RBFOX1: variants seen among roughly 807,000 people sequenced by gnomAD.
The protein encoded by RBFOX1 is RNA binding fox-1 homolog 1, also known as RNA binding protein fox-1 homolog 1.
A neutral mutation model predicts 57.7 loss-of-function variants in RBFOX1; 8 were observed. The observed-to-expected ratio is 0.14, with a 90% CI of 0.08 to 0.25. RBFOX1 has a LOEUF of 0.25. Among genes scored for constraint, RBFOX1 ranks in the 10% least tolerant of loss-of-function variants. The pLI is 1.00. For missense variants in RBFOX1, 611 were observed against 548.5 expected (o/e 1.11, Z -1.14); for synonymous variants, 326 against 222.4 (o/e 1.47, Z -4.15).
chr16:6,936,731 A>G (rs1314259180), intron 3 of RBFOX1, among the ~76,000 whole-genome samples: 1 of 152,122 alleles, frequency 6.6e-6, no homozygotes, highest in East Asian at 1.9e-4. Flanking sequence ...TCATACAGCT[A>G]GAGGTAGGGT....
chr16:5,898,206 A>G (rs1048151417), intron 4 of RBFOX1, among the ~76,000 whole-genome samples: 3 of 152,166 alleles, frequency 2.0e-5, no homozygotes, highest in South Asian at 2.1e-4. Flanking sequence ...TCTCATGAGA[A>G]CAGCATGAGG....
rs559430072 is a variant in RBFOX1, at chr16:6,435,369, C to T, written c.-64+118312C>T. Among the ~76,000 whole-genome samples, 22 of 151,538 alleles carry T rather than the reference C, an allele frequency of 1.5e-4. No homozygotes were observed. In the South Asian group the frequency reaches 3.4e-3, roughly 23 times the overall value. ...AGGCTGGAGGGCAGTAGTGTGATCT[C>T]GGCTCACTGCAGCCTCTGCCTCCCG... is the stretch of plus-strand genomic sequence containing the variant. On this transcript the variant is annotated intron_variant, in intron 2 of 15. Coordinates refer to ENST00000550418, the MANE Select transcript of RBFOX1 (RefSeq NM_018723.4).
chr16:6,879,850 A>C (rs2062573483), intron 3 of RBFOX1, among the ~76,000 whole-genome samples: 1 of 152,218 alleles, frequency 6.6e-6, no homozygotes, highest in African/African-American at 2.4e-5. Flanking sequence ...GGTTTGAGAC[A>C]TTTTGAATTA....
intron 1 of RBFOX1, among the ~76,000 whole-genome samples, chr16:6,226,401 A>G (rs2097418768): frequency 1.3e-5 from 2 of 150,808 alleles, no homozygotes; most frequent in Non-Finnish European, 3.0e-5. Flanking sequence ...ACAAAAAAAT[A>G]TTTCCAATAA....
chr16:6,913,395 T>C (rs2072225426), intron 3 of RBFOX1, among the ~76,000 whole-genome samples: 1 of 152,224 alleles, frequency 6.6e-6, no homozygotes, highest in African/African-American at 2.4e-5. Context: ...CTGCTGTCTC[T>C]TCCGGCAAGC....
At chr16:6,960,231 T>G (rs2082676263) in intron 3 of RBFOX1, among the ~76,000 whole-genome samples, 2 of 152,116 alleles carry the variant, frequency 1.3e-5, no homozygotes, top group African/African-American at 4.8e-5. Context: ...CTGGACCCAT[T>G]TAGATTAAGT....
intron 1 of RBFOX1, among the ~76,000 whole-genome samples, chr16:5,275,677 A>G (rs1315870830): frequency 6.6e-6 from 1 of 152,222 alleles, no homozygotes; most frequent in Non-Finnish European, 1.5e-5. Flanking sequence ...ATAGAACTAG[A>G]AAAAACAATG....
intron 14 of RBFOX1, among the ~76,000 whole-genome samples, chr16:7,695,582 G>T (rs1244967917): frequency 6.6e-6 from 1 of 151,158 alleles, no homozygotes; most frequent in African/African-American, 2.4e-5. Flanking sequence ...AACTGGGGAG[G>T]CGGAGGTTGC....
At chr16:6,684,275 A>G (rs2059104103) in intron 3 of RBFOX1, among the ~76,000 whole-genome samples, 1 of 152,222 alleles carries the variant, frequency 6.6e-6, no homozygotes, top group Admixed American at 6.5e-5. Flanking sequence ...GCAGTGCACG[A>G]TAAAGAAAAG....
chr16:5,301,843 G>T (rs1032768194), intron 1 of RBFOX1, among the ~76,000 whole-genome samples: 2 of 151,772 alleles, frequency 1.3e-5, no homozygotes. Context: ...GTAATTTGTT[G>T]TACAGGTATA....
intron 2 of RBFOX1, among the ~76,000 whole-genome samples, chr16:6,329,633 T>C (rs2082769049): frequency 6.6e-6 from 1 of 152,124 alleles, no homozygotes; most frequent in Non-Finnish European, 1.5e-5. Flanking sequence ...ACTCCACTTC[T>C]TCAAAAGATG....
intron 2 of RBFOX1, among the ~76,000 whole-genome samples, chr16:6,602,711 A>G (rs2097868536): frequency 6.6e-6 from 1 of 152,204 alleles, no homozygotes; most frequent in African/African-American, 2.4e-5. Flanking sequence ...TCCAGGCTCA[A>G]GATGAGCTGG....
intron 2 of RBFOX1, among the ~76,000 whole-genome samples, chr16:6,639,077 T>G (rs1375448847): frequency 6.6e-6 from 1 of 152,216 alleles, no homozygotes; most frequent in Non-Finnish European, 1.5e-5. Context: ...ATCGTTTCAC[T>G]CAGAGCAGCA....
intron 3 of RBFOX1, among the ~76,000 whole-genome samples, chr16:6,683,289 G>A (rs1193909397): frequency 6.6e-6 from 1 of 152,154 alleles, no homozygotes; most frequent in Admixed American, 6.5e-5. Context: ...GCCTGTTAAT[G>A]ACCCTTGAGA....
At chr16:6,775,127 C>G (rs112228590) in intron 3 of RBFOX1, among the ~76,000 whole-genome samples, 5 of 148,082 alleles carry the variant, frequency 3.4e-5, no homozygotes, top group Admixed American at 1.4e-4. Flanking sequence ...AGATCCAGAC[C>G]ATCCTGGCGA....
At chr16:6,049,709 A>T (rs761510590) in intron 1 of RBFOX1, among the ~76,000 whole-genome samples, 27 of 151,924 alleles carry the variant, frequency 1.8e-4, no homozygotes, top group Non-Finnish European at 3.4e-4. Flanking sequence ...AATAGTCTTT[A>T]TTTTTTTACA....
intron 2 of RBFOX1, among the ~76,000 whole-genome samples, chr16:5,588,249 G>C (rs1249666448): frequency 1.3e-5 from 2 of 152,140 alleles, no homozygotes; most frequent in East Asian, 1.9e-4. Context: ...GGAGTTTCAT[G>C]GTGATGAAAA....
intron 3 of RBFOX1, among the ~76,000 whole-genome samples, chr16:6,818,003 G>A (rs1011888780): frequency 2.0e-5 from 3 of 152,114 alleles, no homozygotes; most frequent in Non-Finnish European, 2.9e-5. Context: ...AGCTAAATGA[G>A]CATGGGTTAG....
intron 2 of RBFOX1, among the ~76,000 whole-genome samples, chr16:6,430,888 T>C (rs1381945661): frequency 6.7e-6 from 1 of 148,842 alleles, no homozygotes; most frequent in Non-Finnish European, 1.5e-5. Context: ...CCCAGCACTT[T>C]GGGAGGCTGA....
Sources: gnomAD v4.1 joint callset for allele counts (sites outside exome capture counted in the v4.1 genomes callset) on GRCh38, gnomAD v4.1.1 for gene constraint, MANE v1.5 for transcripts, NCBI Gene and HGNC (gene_info 2026-07-23, HGNC 2026-07-21) for gene names.